CNTN1: variants seen among roughly 807,000 people sequenced by gnomAD.
CNTN1 encodes contactin-1.
A neutral mutation model predicts 126.4 loss-of-function variants in CNTN1; 38 were observed. The observed-to-expected ratio is 0.30, with a 90% CI of 0.23 to 0.39. CNTN1 has a LOEUF of 0.39. Among genes scored for constraint, CNTN1 ranks in the 10% least tolerant of loss-of-function variants. CNTN1 has a pLI of 1.00. For synonymous variants in CNTN1, 413 were observed against 422.6 expected, an observed-to-expected ratio of 0.98 and a Z score of 0.28; for missense variants, 1,009 against 1,248.4, an observed-to-expected ratio of 0.81 and a Z score of 2.89.
At chr12:40,795,375 G>T (rs1178146764) in intron 1 of CNTN1, among the ~76,000 whole-genome samples, 2 of 146,688 alleles carry the variant, frequency 1.4e-5, no homozygotes, top group African/African-American at 2.6e-5. Context: ...GGAGTGCAGT[G>T]GTGCGATTTT....
At chr12:40,989,506 G>A (rs971975776) in intron 16 of CNTN1, among the ~76,000 whole-genome samples, 3 of 152,092 alleles carry the variant, frequency 2.0e-5, no homozygotes, top group Non-Finnish European at 4.4e-5. Context: ...GAGTCATGGA[G>A]TGATGGATAT....
intron 23 of CNTN1, among the ~76,000 whole-genome samples, chr12:41,029,478 GT>G (rs1949099638): frequency 6.6e-6 from 1 of 152,102 alleles, no homozygotes; most frequent in Admixed American, 6.6e-5. Flanking sequence ...AGACGAACGA[GT>G]TTTTGGGATC....
intron 1 of CNTN1, among the ~76,000 whole-genome samples, chr12:40,866,065 C>T (rs576931291): frequency 5.6e-4 from 85 of 151,844 alleles, no homozygotes; most frequent in African/African-American, 1.8e-3. Flanking sequence ...GTATGTTATT[C>T]GTCTTGGTGC....
intron 20 of CNTN1, among the ~76,000 whole-genome samples, chr12:41,022,566 C>T (rs1252499073): frequency 6.6e-6 from 1 of 152,086 alleles, no homozygotes; most frequent in African/African-American, 2.4e-5. Flanking sequence ...CTGTTTATGT[C>T]ATTGGGCATT....
chr12:40,769,099 T>G (rs1939235039), intron 1 of CNTN1, among the ~76,000 whole-genome samples: 4 of 152,162 alleles, frequency 2.6e-5, no homozygotes, highest in Admixed American at 2.6e-4. Flanking sequence ...AATTCATTAT[T>G]GCAAATTACA....
chr12:40,780,119 A>G (rs1192837923), intron 1 of CNTN1, among the ~76,000 whole-genome samples: 1 of 151,902 alleles, frequency 6.6e-6, no homozygotes, highest in Non-Finnish European at 1.5e-5. Flanking sequence ...CCTAAAAGTG[A>G]CCTGCTTTGG....
At chr12:41,057,760 C>T (rs1345014604) in intron 23 of CNTN1, among the ~76,000 whole-genome samples, 1 of 151,806 alleles carries the variant, frequency 6.6e-6, no homozygotes. Context: ...GGCGTTTTGG[C>T]GTGATTTTTT....
At chr12:40,845,590 A>G (rs1425885643) in intron 1 of CNTN1, among the ~76,000 whole-genome samples, 1 of 151,976 alleles carries the variant, frequency 6.6e-6, no homozygotes, top group Admixed American at 6.5e-5. Flanking sequence ...TAGCCTCAAG[A>G]TGGGGCTAGT....
chr12:41,003,500 G>A (rs1948416016), intron 17 of CNTN1, among the ~76,000 whole-genome samples: 1 of 151,974 alleles, frequency 6.6e-6, no homozygotes, highest in Non-Finnish European at 1.5e-5. Flanking sequence ...CAATTTTTCG[G>A]AATAGTTTCA....
At chr12:40,872,815 C>T (rs71449784) in intron 1 of CNTN1, among the ~76,000 whole-genome samples, 5,126 of 152,040 alleles carry the variant, frequency 0.034, 117 homozygotes, top group Middle Eastern at 0.12. Flanking sequence ...CCACCTCGGC[C>T]TCCCAAAATG....
At chr12:40,787,363 G>A (rs1339367082) in intron 1 of CNTN1, among the ~76,000 whole-genome samples, 2 of 152,132 alleles carry the variant, frequency 1.3e-5, no homozygotes, top group African/African-American at 4.8e-5. Flanking sequence ...TGGGCACACG[G>A]GGAAAAGTGT....
intron 3 of CNTN1, among the ~76,000 whole-genome samples, chr12:40,912,848 C>T (rs1219336198): frequency 6.6e-6 from 1 of 152,234 alleles, no homozygotes; most frequent in East Asian, 1.9e-4. Context: ...TCTATGGTCC[C>T]ACATAGCCCC....
At chr12:40,995,585 T>C (rs1286589533) in intron 17 of CNTN1, among the ~76,000 whole-genome samples, 1 of 152,264 alleles carries the variant, frequency 6.6e-6, no homozygotes, top group South Asian at 2.1e-4. Flanking sequence ...TCTTACATTT[T>C]CTCAAATGGT....
chr12:40,834,363 C>A (rs1941966343), intron 1 of CNTN1, among the ~76,000 whole-genome samples: 2 of 152,150 alleles, frequency 1.3e-5, no homozygotes, highest in African/African-American at 4.8e-5. Context: ...ATCGTAATAG[C>A]CCTTTGAGAA....
intron 23 of CNTN1, among the ~76,000 whole-genome samples, chr12:41,054,649 C>A (rs1393413138): frequency 6.6e-6 from 1 of 152,038 alleles, no homozygotes. Context: ...AGCTAGCACA[C>A]AAATAAGGTA....
At chr12:40,894,247 A>T (rs1944330863) in intron 1 of CNTN1, among the ~76,000 whole-genome samples, 1 of 152,126 alleles carries the variant, frequency 6.6e-6, no homozygotes. Context: ...TTACATACCT[A>T]CATTGCAAGT....
At chr12:40,740,929 T>C (rs1937918975) in intron 1 of CNTN1, among the ~76,000 whole-genome samples, 2 of 152,050 alleles carry the variant, frequency 1.3e-5, no homozygotes, top group East Asian at 3.9e-4. Context: ...AACTGTGAAG[T>C]CATTATACCT....
At chr12:40,859,694 G>C (rs979067964) in intron 1 of CNTN1, among the ~76,000 whole-genome samples, 1 of 152,070 alleles carries the variant, frequency 6.6e-6, no homozygotes, top group South Asian at 2.1e-4. Context: ...GGGGGTCAGG[G>C]CAAGAATTTT....
At chr12:40,989,763 A>G (rs1054157071) in intron 16 of CNTN1, among the ~76,000 whole-genome samples, 8 of 152,122 alleles carry the variant, frequency 5.3e-5, no homozygotes, top group Admixed American at 2.0e-4. Context: ...TCAAAACATG[A>G]ATAAAAAGTA....
Sources: allele counts gnomAD v4.1 joint callset (sites outside exome capture counted in the v4.1 genomes callset), GRCh38; gene constraint gnomAD v4.1.1; transcripts MANE v1.5; gene names NCBI Gene and HGNC (gene_info 2026-07-23, HGNC 2026-07-21).